ADGRL3: variants seen among roughly 807,000 people sequenced by gnomAD.
ADGRL3 encodes the protein adhesion G protein-coupled receptor L3.
A neutral mutation model predicts 153.5 loss-of-function variants in ADGRL3; 62 were observed. The observed-to-expected ratio is 0.40, with a 90% CI of 0.33 to 0.50. The LOEUF (loss-of-function observed/expected upper bound fraction) is 0.50, where lower values mean the gene tolerates loss of function less well. ADGRL3 is among the 20% of genes least tolerant of loss of function. The pLI, the probability that ADGRL3 is intolerant of heterozygous loss-of-function variation, is 0.47. For missense variants in ADGRL3, 1,641 were observed against 1,859.4 expected (o/e 0.88, Z 2.16); for synonymous variants, 710 against 672.5 (o/e 1.06, Z -0.86).
At chr4:61,342,318 T>A (rs1012010696) in intron 1 of ADGRL3, among the ~76,000 whole-genome samples, 5 of 152,194 alleles carry the variant, frequency 3.3e-5, no homozygotes, top group Non-Finnish European at 5.9e-5. Context: ...TGAACAGTTA[T>A]TTACTTTATA....
chr4:61,707,346 T>G (rs12645177), intron 6 of ADGRL3, among the ~76,000 whole-genome samples: 106,954 of 151,974 alleles, frequency 0.7, 38,671 homozygotes, highest in East Asian at 0.93. Context: ...CTTGCTCCAT[T>G]CTGGGTTGCC....
intron 4 of ADGRL3, among the ~76,000 whole-genome samples, chr4:61,572,455 C>A (rs2098842901): frequency 1.3e-5 from 2 of 152,004 alleles, no homozygotes; most frequent in Non-Finnish European, 2.9e-5. Flanking sequence ...ACTAGACTTA[C>A]TTAAAATTCT....
chr4:62,008,616 T>C (rs934457700), intron 21 of ADGRL3, among the ~76,000 whole-genome samples: 1 of 151,732 alleles, frequency 6.6e-6, no homozygotes, highest in African/African-American at 2.4e-5. Flanking sequence ...TATTATGAAG[T>C]TGTTTTAATC....
chr4:61,848,000 TA>T (rs2098152534), intron 9 of ADGRL3, among the ~76,000 whole-genome samples: 1 of 13,780 alleles, frequency 7.3e-5, no homozygotes, highest in African/African-American at 2.5e-4. Context: ...ATATATAATA[TA>T]AAATATATTA....
chr4:61,587,200 C>T (rs1233390369), intron 4 of ADGRL3, 27 bp from the exon 5 acceptor site: 2 of 1,527,236 alleles, frequency 1.3e-6, no homozygotes, highest in Non-Finnish European at 1.8e-6. Flanking sequence ...ACGATGGCAT[C>T]TCTTTTCTTC....
chr4:61,366,026 A>G (rs1358055804), intron 1 of ADGRL3, among the ~76,000 whole-genome samples: 1 of 152,170 alleles, frequency 6.6e-6, no homozygotes, highest in African/African-American at 2.4e-5. Flanking sequence ...CAACTTACCT[A>G]TAATTTTGTT....
chr4:61,558,754 T>G (rs1356854080), intron 4 of ADGRL3, among the ~76,000 whole-genome samples: 1 of 152,060 alleles, frequency 6.6e-6, no homozygotes, highest in Non-Finnish European at 1.5e-5. Context: ...TCATCGTTAT[T>G]CAAGTTTTTT....
intron 9 of ADGRL3, among the ~76,000 whole-genome samples, chr4:61,877,750 C>G (rs2098483971): frequency 6.6e-6 from 1 of 152,086 alleles, no homozygotes; most frequent in South Asian, 2.1e-4. Flanking sequence ...ACGTGGTCAT[C>G]CTGATATGGT....
chr4:61,326,113 A>T (rs1297656978), intron 1 of ADGRL3, among the ~76,000 whole-genome samples: 6 of 152,092 alleles, frequency 3.9e-5, no homozygotes, highest in African/African-American at 7.2e-5. Context: ...ATTTTATGTT[A>T]CTCATTCCCT....
chr4:61,512,499 TAAAC>T (rs1174016706), intron 3 of ADGRL3, among the ~76,000 whole-genome samples: 3 of 152,006 alleles, frequency 2.0e-5, no homozygotes, highest in African/African-American at 4.8e-5. Context: ...AAATTATAAA[TAAAC>T]AAACCAAAGT....
At chr4:61,478,321 T>C (rs1226424157) in intron 2 of ADGRL3, among the ~76,000 whole-genome samples, 1 of 152,058 alleles carries the variant, frequency 6.6e-6, no homozygotes, top group African/African-American at 2.4e-5. Context: ...AAAGTGATTA[T>C]GGTAATAGTG....
chr4:61,758,442 C>CT (rs1470722750), intron 8 of ADGRL3, among the ~76,000 whole-genome samples: 1 of 152,076 alleles, frequency 6.6e-6, no homozygotes, highest in African/African-American at 2.4e-5. Context: ...TAATGTCTTC[C>CT]TTTTCTCTTT....
intron 1 of ADGRL3, among the ~76,000 whole-genome samples, chr4:61,356,902 A>G (rs186916239): frequency 2.0e-5 from 3 of 152,008 alleles, no homozygotes; most frequent in African/African-American, 7.2e-5. Flanking sequence ...CTCCCTGAAC[A>G]CTTTCAGGCT....
intron 5 of ADGRL3, among the ~76,000 whole-genome samples, chr4:61,676,246 C>T (rs1208137870): frequency 6.6e-6 from 1 of 151,748 alleles, no homozygotes; most frequent in Non-Finnish European, 1.5e-5. Flanking sequence ...CAGTTAATTC[C>T]TAAAGTGGTT....
chr4:61,851,242 A>C (rs2098198816), intron 9 of ADGRL3, among the ~76,000 whole-genome samples: 1 of 152,128 alleles, frequency 6.6e-6, no homozygotes, highest in African/African-American at 2.4e-5. Context: ...TAACTCAGAA[A>C]GGGATATATT....
At chr4:61,390,324 G>GTCCA (rs2096787719) in intron 2 of ADGRL3, among the ~76,000 whole-genome samples, 1 of 152,038 alleles carries the variant, frequency 6.6e-6, no homozygotes, top group African/African-American at 2.4e-5. Flanking sequence ...ATCTTAAAGT[G>GTCCA]TCCACAGCTG....
chr4:61,275,972 C>T lies in ADGRL3; in HGVS notation c.-240+74207C>T, dbSNP rs138774490. ...CTCTGTAGCACAGGCCAAAGAAAGG[C>T]GTTAGTGAAAAGACAATAAGCTGGC... On this transcript the variant is annotated intron_variant, in intron 1 of 26. Transcript: ENST00000683033. Among the ~76,000 whole-genome samples, 1,055 of 152,128 alleles carry T rather than the reference C, an allele frequency of 6.9e-3. 27 individuals carry two copies. The highest frequency in any genetic ancestry group is 0.024 in the African/African-American group (1,006 of 41,520).
At chr4:61,259,191 G>A (rs920513311) in intron 1 of ADGRL3, among the ~76,000 whole-genome samples, 3 of 152,088 alleles carry the variant, frequency 2.0e-5, no homozygotes, top group African/African-American at 7.2e-5. Flanking sequence ...TTGGGAGGCC[G>A]AGGCGGCGGA....
chr4:61,948,345 A>C, intron 17 of ADGRL3, 69 bp downstream of exon 17: 1 of 1,140,906 alleles, frequency 8.8e-7, no homozygotes, highest in Non-Finnish European at 1.3e-6. Flanking sequence ...AATAGTCCTA[A>C]CTATATGGGC....
Sources: allele counts gnomAD v4.1 joint callset (sites outside exome capture counted in the v4.1 genomes callset), GRCh38; gene constraint gnomAD v4.1.1; transcripts MANE v1.5; gene names NCBI Gene and HGNC (gene_info 2026-07-23, HGNC 2026-07-21).